Variants in TP63 observed in about 807,000 individuals in gnomAD.
TP63 encodes tumor protein 63.
Under a neutral mutation model 82.8 loss-of-function variants are expected in TP63, and 17 were observed. The ratio of observed to expected loss-of-function variants is 0.21; its 90% CI spans 0.14 to 0.31. TP63 has a LOEUF of 0.31. TP63 is among the 10% of genes least tolerant of loss of function. The pLI, the probability that TP63 is intolerant of heterozygous loss-of-function variation, is 1.00. For missense variants in TP63, 648 were observed against 895.3 expected (o/e 0.72, Z 3.52); for synonymous variants, 330 against 321.7 (o/e 1.03, Z -0.28).
chr3:189,862,783 T>C (rs16864864), intron 4 of TP63, among the ~76,000 whole-genome samples: 4,471 of 152,302 alleles, frequency 0.029, 217 homozygotes, highest in African/African-American at 0.1. Context: ...TTTCATTCAG[T>C]GTTTCCCAAG....
At chr3:189,609,519 C>G in the TP63 span, among the ~76,000 whole-genome samples, 1 of 151,938 alleles carries the variant, frequency 6.6e-6, no homozygotes, top group Non-Finnish European at 1.5e-5. Context: ...CTTTTCTTAT[C>G]CTCTCCTTCC....
rs1721468591 is a variant in TP63, at chr3:189,896,329, A to G, written c.*1827A>G. 4.7e-6 allele frequency: 1 copy of G among 211,950 alleles called. No individual in the cohort carries two copies. The highest frequency in any genetic ancestry group is 2.3e-5 in the African/African-American group (1 of 43,926). The allele number at this position is 211,950 out of a possible 1,614,324, so 13.1% of individuals were successfully genotyped here. A position where few individuals can be genotyped will look rare whatever the true frequency, so the allele number is the denominator to read the frequency against. ...GGGATAGTGGGATTTCCAGAACCAC[A>G]CTTGAAACCTTTTTTTATCGTTTTT... On this transcript the variant is annotated 3_prime_UTR_variant, in exon 14 of 14. Transcript: ENST00000264731.
At chr3:189,886,198 G>A (rs1345482982) in intron 10 of TP63, among the ~76,000 whole-genome samples, 196 bp from the exon 11 acceptor site, 3 of 152,182 alleles carry the variant, frequency 2.0e-5, no homozygotes, top group African/African-American at 7.2e-5. Flanking sequence ...TTTGATGATA[G>A]CCTCGCAGTC....
At chr3:189,615,985 G>T in the TP63 span, among the ~76,000 whole-genome samples, 3 of 152,196 alleles carry the variant, frequency 2.0e-5, no homozygotes, top group Non-Finnish European at 4.4e-5. Context: ...GCTGAGCCTG[G>T]CGTTGCTGAA....
chr3:189,865,850 T>C (rs1717659124), intron 5 of TP63, among the ~76,000 whole-genome samples: 1 of 152,222 alleles, frequency 6.6e-6, no homozygotes, highest in Admixed American at 6.5e-5. Flanking sequence ...CAAGATAACA[T>C]ACTATTTGTA....
chr3:189,732,597 G>A (rs1720254741), intron 1 of TP63, among the ~76,000 whole-genome samples: 1 of 152,124 alleles, frequency 6.6e-6, no homozygotes, highest in Non-Finnish European at 1.5e-5. Context: ...CAATTATGTT[G>A]CACATTTAAA....
intron 3 of TP63, among the ~76,000 whole-genome samples, chr3:189,785,944 C>G (rs980995377): frequency 2.6e-5 from 4 of 151,842 alleles, no homozygotes; most frequent in Non-Finnish European, 5.9e-5. Flanking sequence ...GATTGTCAGC[C>G]CCTGTACCTG....
intron 4 of TP63, among the ~76,000 whole-genome samples, chr3:189,825,362 A>G (rs550704079): frequency 2.0e-5 from 3 of 152,372 alleles, no homozygotes; most frequent in African/African-American, 7.2e-5. Context: ...ATGGTTATCA[A>G]TATGAAGTAG....
chr3:189,815,696 G>C (rs146556975), intron 4 of TP63, among the ~76,000 whole-genome samples: 74 of 152,078 alleles, frequency 4.9e-4, no homozygotes, highest in African/African-American at 1.5e-3. Context: ...AGGTGTTAAT[G>C]GTAACAAGGG....
At chr3:189,619,403 C>T in the TP63 span, among the ~76,000 whole-genome samples, 2 of 152,162 alleles carry the variant, frequency 1.3e-5, no homozygotes, top group Non-Finnish European at 2.9e-5. Context: ...CCACTTAATG[C>T]CCCTATCTAT....
chr3:189,621,839 A>G, the TP63 span, among the ~76,000 whole-genome samples: 1 of 152,242 alleles, frequency 6.6e-6, no homozygotes, highest in Non-Finnish European at 1.5e-5. Flanking sequence ...AGAAGAATTC[A>G]GATGGATTAA....
At chr3:189,741,908 T>C (rs67962917) in intron 3 of TP63, among the ~76,000 whole-genome samples, 12,102 of 152,170 alleles carry the variant, frequency 0.08, 787 homozygotes, top group African/African-American at 0.17. Context: ...CATTTTAGTC[T>C]GTTTTCAAGG....
intron 4 of TP63, among the ~76,000 whole-genome samples, chr3:189,850,636 G>A (rs1042156143): frequency 1.8e-4 from 27 of 152,150 alleles, no homozygotes; most frequent in Non-Finnish European, 1.8e-4. Flanking sequence ...TAAATGACGA[G>A]TTAATGGGTG....
chr3:189,881,002 C>T, intron 10 of TP63: 1 of 985,388 alleles, frequency 1.0e-6, no homozygotes, highest in South Asian at 4.7e-5. Context: ...GACAAATCCA[C>T]CCCAGTAATA....
In TP63 at chr3:189,808,684, T is replaced by A. The variant is rs149006192; in HGVS notation, c.579+158T>A. On this transcript the variant is annotated intron_variant, in intron 4 of 13. Coordinates refer to ENST00000264731, the MANE Select transcript of TP63 (RefSeq NM_003722.5). ...AATACTGAACCAGAGAGAGAGAAAGTGCCAGTTAGTGGGAAAAGTCCCAAT... is the reference window on the plus strand; with the variant it reads ...AATACTGAACCAGAGAGAGAGAAAGAGCCAGTTAGTGGGAAAAGTCCCAAT... 3.7e-3 allele frequency among the ~76,000 whole-genome samples: 559 copies of A among 152,330 alleles called. 1 individual carries two copies. Among genetic ancestry groups the A allele is most frequent in the African/African-American group, 0.013 (534 of 41,588 alleles).
At chr3:189,598,234 G>A in the TP63 span, among the ~76,000 whole-genome samples, 1 of 150,810 alleles carries the variant, frequency 6.6e-6, no homozygotes, top group Non-Finnish European at 1.5e-5. Flanking sequence ...TATAATTGGA[G>A]TAGAGATGGA....
intron 3 of TP63, among the ~76,000 whole-genome samples, chr3:189,774,043 C>T (rs540591756): frequency 6.6e-6 from 1 of 151,588 alleles, no homozygotes; most frequent in Admixed American, 6.6e-5. Flanking sequence ...CTGCCTCAGC[C>T]TCCTGAGTAG....
the TP63 span, among the ~76,000 whole-genome samples, chr3:189,613,273 G>A: frequency 6.6e-6 from 1 of 152,212 alleles, no homozygotes; most frequent in Admixed American, 6.5e-5. Flanking sequence ...GGTGCCTTCT[G>A]TCCCAGCTGC....
chr3:189,603,655 A>T, the TP63 span, among the ~76,000 whole-genome samples: 1 of 85,756 alleles, frequency 1.2e-5, no homozygotes, highest in Non-Finnish European at 2.6e-5. Flanking sequence ...TTCATTAAAA[A>T]AAAAAAAAAA....
Sources: gnomAD v4.1 joint callset for allele counts (sites outside exome capture counted in the v4.1 genomes callset) on GRCh38, gnomAD v4.1.1 for gene constraint, MANE v1.5 for transcripts, NCBI Gene and HGNC (gene_info 2026-07-23, HGNC 2026-07-21) for gene names.